Variants in LRRC4C observed in about 807,000 individuals in gnomAD.
LRRC4C encodes leucine-rich repeat-containing protein 4C.
Under a neutral mutation model 33.6 loss-of-function variants are expected in LRRC4C, and 5 were observed. The observed-to-expected ratio is 0.15, with a 90% CI of 0.08 to 0.31. LRRC4C has a LOEUF of 0.31. Among genes scored for constraint, LRRC4C ranks in the 10% least tolerant of loss-of-function variants. The probability of loss-of-function intolerance (pLI) is 1.00; values close to 1 mark genes in which losing one functional copy is unlikely to be tolerated. For missense variants in LRRC4C, 560 were observed against 796.7 expected (o/e 0.70, Z 3.58); for synonymous variants, 329 against 302.0 (o/e 1.09, Z -0.93).
chr11:40,998,458 C>T (rs1217746152), intron 1 of LRRC4C, among the ~76,000 whole-genome samples: 1 of 152,046 alleles, frequency 6.6e-6, no homozygotes, highest in Non-Finnish European at 1.5e-5. Context: ...TGATACCCAA[C>T]TTGACTGCAC....
chr11:41,092,250 C>A (rs1248341840), intron 1 of LRRC4C, among the ~76,000 whole-genome samples: 1 of 151,676 alleles, frequency 6.6e-6, no homozygotes, highest in Non-Finnish European at 1.5e-5. Context: ...TCTTTGTTAT[C>A]TTGGAGGCAT....
intron 3 of LRRC4C, among the ~76,000 whole-genome samples, chr11:40,442,209 T>A (rs1951431709): frequency 6.7e-6 from 1 of 149,098 alleles, no homozygotes; most frequent in Non-Finnish European, 1.5e-5. Flanking sequence ...CTAGTATTCC[T>A]TCATTGTAAA....
chr11:40,473,382 G>C (rs543706399), intron 3 of LRRC4C, among the ~76,000 whole-genome samples: 3 of 151,938 alleles, frequency 2.0e-5, no homozygotes, highest in Admixed American at 6.6e-5. Context: ...TGCAGAAAAG[G>C]CCTTCCATAA....
intron 1 of LRRC4C, among the ~76,000 whole-genome samples, chr11:41,282,716 G>A (rs1403525489): frequency 6.6e-6 from 1 of 152,164 alleles, no homozygotes; most frequent in African/African-American, 2.4e-5. Flanking sequence ...CATTTTTAGG[G>A]CATGATACTG....
chr11:41,245,611 T>A (rs895758394), intron 1 of LRRC4C, among the ~76,000 whole-genome samples: 1 of 152,314 alleles, frequency 6.6e-6, no homozygotes, highest in South Asian at 2.1e-4. Context: ...CTCAGGGAGC[T>A]CCTAGGTCTG....
intron 2 of LRRC4C, among the ~76,000 whole-genome samples, chr11:40,816,907 G>A (rs972833130): frequency 3.3e-5 from 5 of 152,260 alleles, no homozygotes; most frequent in South Asian, 2.1e-4. Flanking sequence ...CGTATAGGTA[G>A]AAGACTTGTG....
chr11:41,411,659 C>T (rs1954495191), intron 1 of LRRC4C, among the ~76,000 whole-genome samples: 1 of 152,158 alleles, frequency 6.6e-6, no homozygotes. Flanking sequence ...TTCTCAACAT[C>T]CTTTCTTTAT....
At chr11:41,021,261 C>A (rs1855965672) in intron 1 of LRRC4C, among the ~76,000 whole-genome samples, 1 of 140,312 alleles carries the variant, frequency 7.1e-6, no homozygotes, top group Non-Finnish European at 1.5e-5. Context: ...GCATCTCCAA[C>A]TTTTATTCCT....
chr11:40,426,173 C>T (rs1210742631), intron 3 of LRRC4C, among the ~76,000 whole-genome samples: 2 of 151,802 alleles, frequency 1.3e-5, no homozygotes, highest in Non-Finnish European at 2.9e-5. Flanking sequence ...GCCACTATGC[C>T]CGGCTAATTT....
At chr11:40,967,591 T>C (rs1009331893) in intron 1 of LRRC4C, among the ~76,000 whole-genome samples, 1 of 152,044 alleles carries the variant, frequency 6.6e-6, no homozygotes, top group Non-Finnish European at 1.5e-5. Flanking sequence ...GTTTTCATTC[T>C]TATTATATCT....
chr11:40,192,787 T>C (rs1276337698), intron 5 of LRRC4C, among the ~76,000 whole-genome samples: 29 of 152,090 alleles, frequency 1.9e-4, no homozygotes, highest in Admixed American at 1.8e-3. Flanking sequence ...CCACCATTGC[T>C]GAGGCTTGAG....
chr11:40,921,284 AAGG>A (rs1278645146), intron 2 of LRRC4C, among the ~76,000 whole-genome samples: 1 of 152,156 alleles, frequency 6.6e-6, no homozygotes, highest in Non-Finnish European at 1.5e-5. Context: ...TTTGAGATAG[AAGG>A]AGAAGGATAA....
intron 4 of LRRC4C, among the ~76,000 whole-genome samples, chr11:40,285,156 G>A (rs1015099164): frequency 2.6e-5 from 4 of 152,106 alleles, no homozygotes; most frequent in Non-Finnish European, 4.4e-5. Flanking sequence ...AGCATACACA[G>A]GTTAGCCAGG....
chr11:40,494,579 C>T (rs188974147), intron 3 of LRRC4C, among the ~76,000 whole-genome samples: 274 of 152,076 alleles, frequency 1.8e-3, no homozygotes, highest in Middle Eastern at 3.4e-3. Flanking sequence ...TGACATAAAT[C>T]AGACTTTGTT....
At chr11:40,813,991 G>A (rs1419861769) in intron 2 of LRRC4C, among the ~76,000 whole-genome samples, 1 of 152,150 alleles carries the variant, frequency 6.6e-6, no homozygotes. Context: ...CCCTTCTCCT[G>A]GCTGCTTTCA....
At chr11:41,337,179 G>T (rs1296701813) in intron 1 of LRRC4C, among the ~76,000 whole-genome samples, 1 of 151,898 alleles carries the variant, frequency 6.6e-6, no homozygotes, top group Admixed American at 6.6e-5. Context: ...CAAGTAGCTG[G>T]CACCACAGGT....
At chr11:40,970,275 T>A (rs1246566953) in intron 1 of LRRC4C, among the ~76,000 whole-genome samples, 1 of 152,166 alleles carries the variant, frequency 6.6e-6, no homozygotes, top group Non-Finnish European at 1.5e-5. Flanking sequence ...GATTGGTTCA[T>A]GGGGGCAGTT....
chr11:41,021,811 A>G (rs1007615302), intron 1 of LRRC4C, among the ~76,000 whole-genome samples: 5 of 151,962 alleles, frequency 3.3e-5, no homozygotes, highest in African/African-American at 1.2e-4. Flanking sequence ...ACACCCCTCT[A>G]TATGCATGAA....
At chr11:40,625,545 C>T (rs191689700) in intron 3 of LRRC4C, among the ~76,000 whole-genome samples, 2 of 152,178 alleles carry the variant, frequency 1.3e-5, no homozygotes, top group African/African-American at 4.8e-5. Context: ...CCCAAAGGGT[C>T]CCTCCTAGGA....
Sources: gnomAD v4.1 joint callset for allele counts (sites outside exome capture counted in the v4.1 genomes callset) on GRCh38, gnomAD v4.1.1 for gene constraint, MANE v1.5 for transcripts, NCBI Gene and HGNC (gene_info 2026-07-23, HGNC 2026-07-21) for gene names.